The following ERAP1 variants were observed in gnomAD, a reference collection of about 807,000 sequenced individuals.
ERAP1 encodes the protein adipocyte-derived leucine aminopeptidase.
In ERAP1, 86 loss-of-function variants were observed where a neutral mutation model predicts 103.7. The observed-to-expected ratio is 0.83, with a 90% CI of 0.70 to 0.99. The LOEUF (loss-of-function observed/expected upper bound fraction) is 0.99. Among genes scored for constraint, ERAP1 ranks in the 50% least tolerant of loss-of-function variants. The pLI, the probability that ERAP1 is intolerant of heterozygous loss-of-function variation, is 0.00. For synonymous variants in ERAP1, 398 were observed against 402.4 expected, an observed-to-expected ratio of 0.99 and a Z score of 0.13; for missense variants, 1,009 against 1,128.4, an observed-to-expected ratio of 0.89 and a Z score of 1.52.
the ERAP1 span, among the ~76,000 whole-genome samples, chr5:96,824,621 TG>T: frequency 6.6e-6 from 1 of 152,234 alleles, no homozygotes; most frequent in Non-Finnish European, 1.5e-5. Context: ...TCTCTCAGCC[TG>T]GAAAACTTTC....
rs945070961 is a variant in ERAP1 at position 96,792,212 on chromosome 5, A to C, written c.1189-20T>G. On this transcript the variant is annotated intron_variant, in intron 7 of 18. Coordinates refer to ENST00000443439, the MANE Select transcript of ERAP1 (RefSeq NM_001040458.3). Reference sequence around the variant, plus strand: ...ATCTCCCTATTGAGATAGAAAAAAGAAAACATCACCTATGATTTACATTTA... The same window carrying C: ...ATCTCCCTATTGAGATAGAAAAAAGCAAACATCACCTATGATTTACATTTA... 8 of 1,610,612 alleles carry C rather than the reference A, an allele frequency of 5.0e-6. No homozygotes were observed. The highest frequency in any genetic ancestry group is 6.8e-6 in the Non-Finnish European group (8 of 1,176,972).
At chr5:96,922,491 T>C in the ERAP1 span, among the ~76,000 whole-genome samples, 1 of 152,188 alleles carries the variant, frequency 6.6e-6, no homozygotes, top group Admixed American at 6.5e-5. Context: ...ATTTTCTTTC[T>C]ATTCATATCT....
intron 18 of ERAP1, chr5:96,779,502 C>T (rs1461798004): frequency 6.6e-6 from 1 of 152,148 alleles, no homozygotes; most frequent in African/African-American, 2.4e-5. Context: ...ACTGTAACAA[C>T]CCTTCATTCT....
chr5:96,884,379 C>T, the ERAP1 span, among the ~76,000 whole-genome samples: 12 of 152,310 alleles, frequency 7.9e-5, no homozygotes, highest in East Asian at 5.8e-4. Context: ...CCAGCCACTG[C>T]TGACGGTCCA....
chr5:96,865,389 G>C, the ERAP1 span, among the ~76,000 whole-genome samples: 39 of 152,140 alleles, frequency 2.6e-4, no homozygotes, highest in Non-Finnish European at 3.1e-4. Flanking sequence ...TTGTAAATAT[G>C]TGTATAAAAG....
chr5:96,866,387 C>G, the ERAP1 span, among the ~76,000 whole-genome samples: 1 of 152,146 alleles, frequency 6.6e-6, no homozygotes, highest in African/African-American at 2.4e-5. Context: ...ATATTCATAT[C>G]AATTTTAGTA....
At chr5:96,890,637 G>A in the ERAP1 span, among the ~76,000 whole-genome samples, 3 of 151,642 alleles carry the variant, frequency 2.0e-5, no homozygotes, top group African/African-American at 4.9e-5. Context: ...GTCCTTTTTC[G>A]CCTCTTGCCC....
the ERAP1 span, among the ~76,000 whole-genome samples, chr5:96,869,084 C>A: frequency 2.0e-5 from 3 of 151,580 alleles, no homozygotes; most frequent in African/African-American, 7.3e-5. Flanking sequence ...GAAGCTCCTG[C>A]TGCTTTTGCT....
At chr5:96,808,227 T>A, upstream of ERAP1, 1 of 659,178 alleles carries the variant, frequency 1.5e-6, no homozygotes, top group African/African-American at 2.1e-5. Context: ...TGTGTGTGTG[T>A]GTGTGTGTGT....
chr5:96,779,898 A>G (rs373332642), intron 18 of ERAP1, among the ~76,000 whole-genome samples: 1 of 152,238 alleles, frequency 6.6e-6, no homozygotes, highest in Non-Finnish European at 1.5e-5. Context: ...ATCCTCAGCC[A>G]TAAGTCCCTC....
At chr5:96,931,298 A>C in the ERAP1 span, among the ~76,000 whole-genome samples, 1 of 152,096 alleles carries the variant, frequency 6.6e-6, no homozygotes, top group Admixed American at 6.6e-5. Flanking sequence ...CTGGGACCAA[A>C]GGCACAGACC....
chr5:96,888,869 T>C, the ERAP1 span, among the ~76,000 whole-genome samples: 29 of 152,318 alleles, frequency 1.9e-4, no homozygotes, highest in African/African-American at 4.6e-4. Context: ...AAGTATATCA[T>C]AGAGACGAAC....
chr5:96,926,676 A>T, the ERAP1 span, among the ~76,000 whole-genome samples: 1 of 152,194 alleles, frequency 6.6e-6, no homozygotes, highest in Non-Finnish European at 1.5e-5. Context: ...CTTTCTTTTT[A>T]TTGTTGAATA....
Position 96,788,576 on chromosome 5 carries a change from T to C in ERAP1, c.1634A>G (p.Lys545Arg), listed in dbSNP as rs769986988. The C allele has an allele frequency of 2.5e-6, 4 of 1,614,222 alleles. No individual in the cohort carries two copies. The highest frequency in any genetic ancestry group is 3.4e-6 in the Non-Finnish European group (4 of 1,180,042). ...AGAGCCCTTCATGTAGTGCTCTTGC[T>C]TCATGTGTACATTCCTCCCCCTCAC... The part of the protein sequence containing the change: ...ITVRGRNVHM[K>R]QEHYMKGSDG... The change falls in exon 11 of 19, where the codon AAG (lysine) becomes AGG (arginine). Residue 545 changes from lysine (K) to arginine (R), a missense_variant. Coordinates refer to ENST00000443439, the MANE Select transcript of ERAP1 (RefSeq NM_001040458.3).
the ERAP1 span, chr5:96,873,436 C>A: frequency 1.8e-5 from 8 of 454,024 alleles, no homozygotes; most frequent in Non-Finnish European, 3.5e-5. Context: ...AGTAGACCTA[C>A]TAAACAAATG....
the ERAP1 span, among the ~76,000 whole-genome samples, chr5:96,868,220 C>T: frequency 6.6e-6 from 1 of 152,190 alleles, no homozygotes; most frequent in East Asian, 1.9e-4. Flanking sequence ...ACAGAAGCCA[C>T]CTCCCTTCTA....
At chr5:96,871,897 C>A in the ERAP1 span, among the ~76,000 whole-genome samples, 10 of 152,138 alleles carry the variant, frequency 6.6e-5, no homozygotes, top group African/African-American at 2.4e-4. Flanking sequence ...TCTGTTACAA[C>A]TGAATGAGTT....
chr5:96,776,424 A>G lies in ERAP1; in HGVS notation c.2798T>C (p.Leu933Pro). 1 of 1,612,964 alleles carries G rather than the reference A, an allele frequency of 6.2e-7. No individual in the cohort carries two copies. Among genetic ancestry groups the G allele is most frequent in the Non-Finnish European group, 8.5e-7 (1 of 1,179,630 alleles). The change falls in exon 19 of 19, where the codon CTG (leucine) becomes CCG (proline). Residue 933 changes from leucine (L) to proline (P), a missense_variant. Physicochemically the swap from Leu to Pro is moderately conservative, Grantham distance 98. Around this residue, in one of 3 missense-constraint regions of ERAP1, gnomAD observed 611 missense variants for 651.7 expected, o/e 0.94. Transcript: ENST00000443439. Reference sequence around the variant, plus strand: ...CATACGTTCAAGCTTTTCACTTTGCAGCCACACTCTGATTTTATCAAAATT... The same window carrying G: ...CATACGTTCAAGCTTTTCACTTTGCGGCCACACTCTGATTTTATCAAAATT... ...DKNFDKIRVW[L>P]QSEKLERM
chr5:96,882,478 T>C, the ERAP1 span, among the ~76,000 whole-genome samples: 1 of 152,250 alleles, frequency 6.6e-6, no homozygotes, highest in Non-Finnish European at 1.5e-5. Context: ...ACAATGTCAA[T>C]TGAATCTTAT....
Sources: allele counts gnomAD v4.1 joint callset (sites outside exome capture counted in the v4.1 genomes callset), GRCh38; gene constraint gnomAD v4.1.1; regional missense constraint gnomAD v4.1.1; transcripts MANE v1.5; gene names NCBI Gene and HGNC (gene_info 2026-07-23, HGNC 2026-07-21).